The following CUX1 variants were observed in gnomAD, a reference collection of about 807,000 sequenced individuals.
CUX1 encodes the protein cut like homeobox 1, also known as protein CASP.
A neutral mutation model predicts 158.8 loss-of-function variants in CUX1; 31 were observed. The observed-to-expected ratio is 0.20, with a 90% confidence interval of 0.15 to 0.26. The LOEUF (loss-of-function observed/expected upper bound fraction) is 0.26. CUX1 is among the 10% of genes least tolerant of loss of function. The probability of loss-of-function intolerance (pLI) is 1.00; values close to 1 mark genes in which losing one functional copy is unlikely to be tolerated. For missense variants in CUX1, 1,589 were observed against 2,014.6 expected, an observed-to-expected ratio of 0.79 and a Z score of 4.04; for synonymous variants, 879 against 862.1, an observed-to-expected ratio of 1.02 and a Z score of -0.34.
intron 3 of CUX1, among the ~76,000 whole-genome samples, chr7:102,068,252 C>T (rs1167580801): frequency 1.3e-5 from 2 of 151,722 alleles, no homozygotes; most frequent in African/African-American, 4.8e-5. Context: ...GCCACCCCGC[C>T]CAGCTAATTT....
At chr7:101,954,541 G>T (rs1480847644) in intron 2 of CUX1, among the ~76,000 whole-genome samples, 1 of 152,214 alleles carries the variant, frequency 6.6e-6, no homozygotes, top group Non-Finnish European at 1.5e-5. Context: ...GGGCACAGTG[G>T]CTCATGCCTA....
intron 1 of CUX1, among the ~76,000 whole-genome samples, chr7:101,879,975 AGAGAAAGGTGGCTTT>A (rs1488751574): frequency 9.2e-5 from 14 of 152,196 alleles, no homozygotes; most frequent in African/African-American, 2.4e-5. Flanking sequence ...GGTCTGTGGC[AGAGAAAGGTGGCTTT>A]GCTGGGGGCT....
intron 20 of CUX1, among the ~76,000 whole-genome samples, chr7:102,216,641 G>T (rs1168685631): frequency 1.7e-4 from 5 of 28,738 alleles, no homozygotes; most frequent in Non-Finnish European, 2.7e-4. Flanking sequence ...CCCCACACAC[G>T]CACACACACA....
chr7:101,923,391 G>A (rs1805199159), intron 2 of CUX1, among the ~76,000 whole-genome samples: 1 of 152,216 alleles, frequency 6.6e-6, no homozygotes, highest in Admixed American at 6.5e-5. Context: ...AAAGAGAGGA[G>A]GAGAACCACA....
intron 6 of CUX1, among the ~76,000 whole-genome samples, chr7:102,106,946 G>A (rs1830422165): frequency 6.6e-6 from 1 of 152,192 alleles, no homozygotes; most frequent in Non-Finnish European, 1.5e-5. Context: ...AAAGAAAACT[G>A]GCTGGGCACA....
At chr7:102,022,725 A>G (rs1819528503) in intron 2 of CUX1, among the ~76,000 whole-genome samples, 1 of 152,274 alleles carries the variant, frequency 6.6e-6, no homozygotes, top group Non-Finnish European at 1.5e-5. Context: ...GGAGGTTGAC[A>G]TGAGCTATTT....
At position 102,186,597 on chromosome 7, in the gene CUX1, T is replaced by TATATA. The variant is rs1554515382; in HGVS notation, c.1018-3216_1018-3215insATATA. 2.1e-3 allele frequency among the ~76,000 whole-genome samples: 303 copies of TATATA among 144,106 alleles called. 2 individuals carry two copies. Among genetic ancestry groups the TATATA allele is most frequent in the African/African-American group, 2.5e-3 (99 of 39,352 alleles). The allele number at this position is 144,106 out of a possible 152,430, so 94.5% of individuals were successfully genotyped here. ...AGATAGTATATATATATATATATAT[T>TATATA]TTTTTTTATTTATGCCTATTTTTCA... On this transcript the variant is annotated intron_variant, in intron 11 of 23. Transcript: ENST00000292535.
intron 2 of CUX1, among the ~76,000 whole-genome samples, chr7:102,000,254 G>A (rs2129273062): frequency 6.6e-6 from 1 of 151,404 alleles, no homozygotes; most frequent in East Asian, 1.9e-4. Flanking sequence ...CCCTAGTTTA[G>A]CTCTTTTGGA....
At chr7:102,163,626 A>T (rs1160371829) in intron 9 of CUX1, among the ~76,000 whole-genome samples, 1 of 152,210 alleles carries the variant, frequency 6.6e-6, no homozygotes, top group East Asian at 1.9e-4. Flanking sequence ...GAAAGACCAG[A>T]AGCCAGGAGA....
intron 2 of CUX1, chr7:101,932,600 G>T (rs768476318): frequency 6.6e-6 from 3 of 455,628 alleles, no homozygotes; most frequent in Non-Finnish European, 1.3e-5. Flanking sequence ...ATTTCGGCCT[G>T]GTTGATGTGT....
At chr7:101,991,508 C>T (rs1204358123) in intron 2 of CUX1, among the ~76,000 whole-genome samples, 2 of 152,196 alleles carry the variant, frequency 1.3e-5, no homozygotes, top group African/African-American at 4.8e-5. Context: ...CCTGTAATCA[C>T]AGCACTTTGG....
chr7:102,151,082 ACACT>A (rs1835598977), intron 8 of CUX1, among the ~76,000 whole-genome samples: 1 of 152,232 alleles, frequency 6.6e-6, no homozygotes, highest in Non-Finnish European at 1.5e-5. Context: ...AATACTGTTG[ACACT>A]CACACCATGA....
intron 1 of CUX1, among the ~76,000 whole-genome samples, chr7:101,859,009 T>C (rs1240986928): frequency 6.6e-6 from 1 of 152,158 alleles, no homozygotes; most frequent in Non-Finnish European, 1.5e-5. Context: ...AAATCCGGTA[T>C]TGTTTGGCTT....
At chr7:102,060,065 G>C (rs1045740289) in intron 3 of CUX1, among the ~76,000 whole-genome samples, 5 of 152,006 alleles carry the variant, frequency 3.3e-5, no homozygotes, top group African/African-American at 9.7e-5. Context: ...CATGAGGTCA[G>C]GGGATCGAGA....
At chr7:102,100,942 C>T (rs1554486160) in intron 5 of CUX1, among the ~76,000 whole-genome samples, 1 of 152,172 alleles carries the variant, frequency 6.6e-6, no homozygotes, top group Non-Finnish European at 1.5e-5. Context: ...CCAGCCTCTG[C>T]CCAGCTTCTG....
intron 1 of CUX1, among the ~76,000 whole-genome samples, chr7:101,850,599 C>T (rs191466793): frequency 4.8e-4 from 73 of 151,928 alleles, no homozygotes; most frequent in African/African-American, 1.6e-3. Flanking sequence ...CAGGTGGTCT[C>T]GAACTCCTGG....
chr7:101,817,232 G>C, upstream of CUX1: 1 of 984,768 alleles, frequency 1.0e-6, no homozygotes, highest in Non-Finnish European at 1.2e-6. This position sits in a 1 kb window ranked among gnomAD's most constrained non-coding sequence, Gnocchi z 4.1. Context: ...GCCGGTCCGA[G>C]CCGCGATCGC....
downstream of CUX1, among the ~76,000 whole-genome samples, chr7:102,261,561 G>T (rs1790402747): frequency 6.6e-6 from 1 of 151,502 alleles, no homozygotes; most frequent in East Asian, 1.9e-4. Context: ...AATCAAGTAT[G>T]GATAAGTAAT....
intron 4 of CUX1, among the ~76,000 whole-genome samples, chr7:102,090,925 A>G (rs977675169): frequency 6.6e-6 from 1 of 152,190 alleles, no homozygotes; most frequent in African/African-American, 2.4e-5. Flanking sequence ...AAACTAAGGC[A>G]CAGAGGGGTT....
Sources: allele counts gnomAD v4.1 joint callset (sites outside exome capture counted in the v4.1 genomes callset), GRCh38; gene constraint gnomAD v4.1.1; non-coding constraint Gnocchi (gnomAD v3.1); transcripts MANE v1.5; gene names NCBI Gene and HGNC (gene_info 2026-07-23, HGNC 2026-07-21).